Variants in TRIO observed in about 807,000 individuals in gnomAD.
TRIO encodes the protein trio Rho guanine nucleotide exchange factor, also known as triple functional domain protein.
A neutral mutation model predicts 351.9 loss-of-function variants in TRIO; 58 were observed. The ratio of observed to expected loss-of-function variants is 0.16; its 90% CI spans 0.13 to 0.21. TRIO has a LOEUF of 0.21. TRIO is among the 10% of genes least tolerant of loss of function. The probability of loss-of-function intolerance (pLI) is 1.00; values close to 1 mark genes in which losing one functional copy is unlikely to be tolerated. For synonymous variants in TRIO, 1,758 were observed against 1,595.7 expected (o/e 1.10, Z -2.42); for missense variants, 3,201 against 4,027.8 (o/e 0.79, Z 5.56).
chr5:14,299,189 C>G (rs1403639313), intron 7 of TRIO, among the ~76,000 whole-genome samples: 1 of 152,032 alleles, frequency 6.6e-6, no homozygotes. Flanking sequence ...AAACATACAG[C>G]AAAATTGAAA....
intron 14 of TRIO, among the ~76,000 whole-genome samples, chr5:14,364,170 A>G (rs1289297210): frequency 1.3e-5 from 2 of 152,230 alleles, no homozygotes; most frequent in African/African-American, 4.8e-5. Context: ...ATTCTACACA[A>G]TGATATGTTG....
chr5:14,470,715 C>T (rs902597853), intron 37 of TRIO, among the ~76,000 whole-genome samples: 8 of 152,102 alleles, frequency 5.3e-5, no homozygotes, highest in African/African-American at 1.2e-4. Context: ...AAGACAAGCA[C>T]GATTACTATT....
At chr5:14,260,110 T>C (rs754541365) in intron 1 of TRIO, among the ~76,000 whole-genome samples, 3 of 152,386 alleles carry the variant, frequency 2.0e-5, no homozygotes, top group Non-Finnish European at 4.4e-5. Context: ...TATTCACTAA[T>C]GGGCTTTGTG....
chr5:14,174,985 ACTG>A (rs967305815), intron 1 of TRIO, among the ~76,000 whole-genome samples: 23 of 152,312 alleles, frequency 1.5e-4, no homozygotes, highest in African/African-American at 5.5e-4. Flanking sequence ...TACTAGAATG[ACTG>A]CTATTTTCAT....
chr5:14,189,323 C>A (rs1790321241), intron 1 of TRIO, among the ~76,000 whole-genome samples: 1 of 152,120 alleles, frequency 6.6e-6, no homozygotes, highest in Non-Finnish European at 1.5e-5. Flanking sequence ...GTACTTAATA[C>A]CTTGAATGCT....
At chr5:14,440,117 G>A (rs1751907164) in intron 34 of TRIO, among the ~76,000 whole-genome samples, 1 of 152,032 alleles carries the variant, frequency 6.6e-6, no homozygotes, top group Non-Finnish European at 1.5e-5. Context: ...AAATAAAATT[G>A]TTTATACTGT....
chr5:14,498,397 G>T, intron 52 of TRIO, 122 bp from the exon 53 acceptor site: 1 of 1,511,738 alleles, frequency 6.6e-7, no homozygotes, highest in Non-Finnish European at 8.9e-7. Context: ...TCACGCCTGG[G>T]TGTACAGCTC....
At chr5:14,176,456 C>A (rs1307113430) in intron 1 of TRIO, among the ~76,000 whole-genome samples, 1 of 152,078 alleles carries the variant, frequency 6.6e-6, no homozygotes, top group East Asian at 1.9e-4. Context: ...GGTGACACAG[C>A]GAGACTCTGT....
chr5:14,313,817 AGC>A (rs1739139202), intron 8 of TRIO, among the ~76,000 whole-genome samples: 1 of 152,236 alleles, frequency 6.6e-6, no homozygotes, highest in African/African-American at 2.4e-5. Flanking sequence ...CTGCCAGCTT[AGC>A]CCCTAAACAG....
chr5:14,340,250 A>T (rs1305314302), intron 11 of TRIO, among the ~76,000 whole-genome samples: 1 of 152,024 alleles, frequency 6.6e-6, no homozygotes, highest in Non-Finnish European at 1.5e-5. Flanking sequence ...CAAAAAAATT[A>T]GCCAGGCGTG....
At chr5:14,374,737 A>G (rs1033450734) in intron 19 of TRIO, among the ~76,000 whole-genome samples, 3 of 152,354 alleles carry the variant, frequency 2.0e-5, no homozygotes, top group South Asian at 2.1e-4. Flanking sequence ...TTTTATCACT[A>G]TAAAGTATTA....
intron 6 of TRIO, among the ~76,000 whole-genome samples, chr5:14,293,484 G>C (rs538556409): frequency 6.6e-6 from 1 of 152,218 alleles, no homozygotes; most frequent in South Asian, 2.1e-4. Context: ...TCCCCCAGAC[G>C]GAGCGCTGTC....
In TRIO at chr5:14,402,213, A is replaced by C. The variant is rs192655836; in HGVS notation, c.4716+1149A>C. ...CAAAACCTGGAAACTTGCAACTTAT[A>C]TAAACCGCTTATCCAGACTAGCTAC... On this transcript the variant is annotated intron_variant, in intron 31 of 56. Coordinates refer to ENST00000344204, the MANE Select transcript of TRIO (RefSeq NM_007118.4). 1.0e-4 allele frequency among the ~76,000 whole-genome samples: 16 copies of C among 152,390 alleles called. No individual in the cohort carries two copies. In the East Asian group the frequency reaches 3.1e-3, roughly 29 times the overall value.
rs12109880 is a variant in TRIO at position 14,368,410 on chromosome 5, T to C, written c.2875-298T>C. On this transcript the variant is annotated intron_variant, in intron 16 of 56. Transcript: ENST00000344204. ...GGAACATTTCAACCACTTCTTTGGCTGTTAAGGGTCTTTCCTGCTATTTCT... is the reference window on the plus strand; with the variant it reads ...GGAACATTTCAACCACTTCTTTGGCCGTTAAGGGTCTTTCCTGCTATTTCT... Among the ~76,000 whole-genome samples, 14,517 of 152,242 alleles carry C rather than the reference T, an allele frequency of 0.095. 1,060 individuals carry two copies. Among genetic ancestry groups the C allele is most frequent in the African/African-American group, 0.21 (8,646 of 41,506 alleles).
chr5:14,353,270 C>CT lies in TRIO; in HGVS notation c.2047-4887dup, dbSNP rs35179690. Among the ~76,000 whole-genome samples the CT allele has an allele frequency of 7.6e-3, 892 of 117,306 alleles. 9 individuals are homozygous for CT. Among genetic ancestry groups the CT allele is most frequent in the South Asian group, 0.019 (69 of 3,688 alleles). The allele number at this position is 117,306 out of a possible 152,430, so 77.0% of individuals were successfully genotyped here. A position where few individuals can be genotyped will look rare whatever the true frequency, so the allele number is the denominator to read the frequency against. ...TCTTCTCATTGAAACTTCTAAGCAACTTTTTTTTTTTTTTTTTTTTTGAGA... is the reference window on the plus strand; with the variant it reads ...TCTTCTCATTGAAACTTCTAAGCAACTTTTTTTTTTTTTTTTTTTTTTGAGA... On this transcript the variant is annotated intron_variant, in intron 11 of 56. Coordinates refer to ENST00000344204, the MANE Select transcript of TRIO (RefSeq NM_007118.4).
intron 1 of TRIO, among the ~76,000 whole-genome samples, chr5:14,211,964 CAAAAA>C (rs70964546): frequency 6.7e-6 from 1 of 148,300 alleles, no homozygotes; most frequent in Admixed American, 6.7e-5. Flanking sequence ...AAAAAAAAAC[CAAAAA>C]AACAAAAACA....
At chr5:14,285,257 T>C (rs1029053738) in intron 3 of TRIO, among the ~76,000 whole-genome samples, 4 of 152,146 alleles carry the variant, frequency 2.6e-5, no homozygotes, top group Admixed American at 2.6e-4. Context: ...ATCACATCGT[T>C]CCTAATCAGT....
chr5:14,465,637 G>A lies in TRIO; in HGVS notation c.5760G>A (p.Lys1920=), dbSNP rs759567450. The change falls in exon 37 of 57, where the codon AAG becomes AAA. Residue 1920 remains lysine, a synonymous_variant. Coordinates refer to ENST00000344204, the MANE Select transcript of TRIO (RefSeq NM_007118.4). ...CAATTGAGGAACTCGTGAAAAGCAA[G>A]ATGGTGAGGCCTCCCAGAGAAAGTC... ...VSAIEELVKS[K]MALEDRPSSL... is the part of the protein sequence containing the mutation. 1 of 1,614,156 alleles carries A rather than the reference G, an allele frequency of 6.2e-7. No individual in the cohort carries two copies. The highest frequency in any genetic ancestry group is 2.2e-5 in the East Asian group (1 of 44,876).
intron 37 of TRIO, among the ~76,000 whole-genome samples, chr5:14,468,353 C>T (rs1214996539): frequency 6.6e-6 from 1 of 152,254 alleles, no homozygotes; most frequent in Non-Finnish European, 1.5e-5. Context: ...CGGTGAGTTC[C>T]ACCAGGCAAG....
Sources: allele counts gnomAD v4.1 joint callset (sites outside exome capture counted in the v4.1 genomes callset), GRCh38; gene constraint gnomAD v4.1.1; transcripts MANE v1.5; gene names NCBI Gene and HGNC (gene_info 2026-07-23, HGNC 2026-07-21).